Variants in CRTAC1 observed in about 807,000 individuals in gnomAD.
CRTAC1 encodes cartilage acidic protein 1.
A neutral mutation model predicts 67.8 loss-of-function variants in CRTAC1; 37 were observed. The ratio of observed to expected loss-of-function variants is 0.55; its 90% CI spans 0.42 to 0.72. The LOEUF (loss-of-function observed/expected upper bound fraction) is 0.72. CRTAC1 is among the 30% of genes least tolerant of loss of function. The probability of loss-of-function intolerance (pLI) is 0.00; values close to 1 mark genes in which losing one functional copy is unlikely to be tolerated. For synonymous variants in CRTAC1, 348 were observed against 371.0 expected (o/e 0.94, Z 0.71); for missense variants, 780 against 931.6 (o/e 0.84, Z 2.12).
chr10:97,951,300 T>C (rs762674236), intron 2 of CRTAC1, among the ~76,000 whole-genome samples: 2 of 152,162 alleles, frequency 1.3e-5, no homozygotes, highest in African/African-American at 4.8e-5. Context: ...TCTTGAGAAA[T>C]AATGGTTGGA....
Position 97,928,510 on chromosome 10 carries a change from C to G in CRTAC1, c.422-5110G>C, listed in dbSNP as rs142668129. On this transcript the variant is annotated intron_variant, in intron 3 of 14. Coordinates refer to ENST00000370597, the MANE Select transcript of CRTAC1 (RefSeq NM_018058.7). ...CTCATTAACCCTCACCAAAACCCCT[C>G]GAGGTGGGTACTATTTTCATGACCC... is the stretch of plus-strand genomic sequence containing the variant. Among the ~76,000 whole-genome samples, 18 of 152,348 alleles carry G rather than the reference C, an allele frequency of 1.2e-4. No individual in the cohort carries two copies. The East Asian group carries it at 3.5e-3, about 29-fold the overall frequency.
intron 6 of CRTAC1, among the ~76,000 whole-genome samples, 154 bp downstream of exon 6, chr10:97,907,859 A>G (rs1321303020): frequency 6.6e-6 from 1 of 152,082 alleles, no homozygotes; most frequent in Non-Finnish European, 1.5e-5. Context: ...ATAGGAAGTG[A>G]CAAGCAGCGT....
At chr10:97,933,713 A>C (rs1469306246) in intron 3 of CRTAC1, among the ~76,000 whole-genome samples, 5 of 152,254 alleles carry the variant, frequency 3.3e-5, no homozygotes, top group Admixed American at 3.3e-4. Context: ...CAGTCCCTAG[A>C]ATAGTAGGTG....
intron 2 of CRTAC1, among the ~76,000 whole-genome samples, chr10:97,969,588 A>G (rs894719142): frequency 3.3e-5 from 5 of 152,174 alleles, no homozygotes; most frequent in African/African-American, 1.2e-4. Flanking sequence ...AATCTGAGAC[A>G]TTAACCATTG....
chr10:97,893,696 G>A (rs1049136866), intron 11 of CRTAC1, among the ~76,000 whole-genome samples: 5 of 152,146 alleles, frequency 3.3e-5, no homozygotes, highest in African/African-American at 1.2e-4. Flanking sequence ...CATGGCATGA[G>A]GCACCACAAA....
chr10:97,930,792 A>G (rs1194656894), intron 3 of CRTAC1, among the ~76,000 whole-genome samples: 1 of 152,152 alleles, frequency 6.6e-6, no homozygotes, highest in Non-Finnish European at 1.5e-5. Context: ...TCTCCTCTAT[A>G]AGAAGTTACA....
At chr10:98,022,981 C>T (rs900631105) in intron 1 of CRTAC1, among the ~76,000 whole-genome samples, 10 of 152,088 alleles carry the variant, frequency 6.6e-5, no homozygotes, top group Admixed American at 2.0e-4. Context: ...AAAATGCACT[C>T]GTGGACCCCA....
rs531661187 is a variant in CRTAC1, at chr10:97,944,244, A to T, written c.225-7878T>A. Among the ~76,000 whole-genome samples, 34 of 152,286 alleles carry T rather than the reference A, an allele frequency of 2.2e-4. No individual in the cohort carries two copies. The South Asian group carries it at 6.9e-3, about 31-fold the overall frequency. On this transcript the variant is annotated intron_variant, in intron 2 of 14. Coordinates refer to ENST00000370597, the MANE Select transcript of CRTAC1 (RefSeq NM_018058.7). ...GGAGTTCAAGACCAGCCTGGCCAAC[A>T]TGGTGAAACCCCATCTCTACTAAAA...
intron 2 of CRTAC1, among the ~76,000 whole-genome samples, chr10:97,970,360 G>A (rs922778178): frequency 6.6e-6 from 1 of 152,058 alleles, no homozygotes; most frequent in Non-Finnish European, 1.5e-5. Flanking sequence ...AGTGCAAGTC[G>A]CATCATGTCA....
intron 5 of CRTAC1, among the ~76,000 whole-genome samples, chr10:97,912,849 G>A (rs1362242335): frequency 6.6e-6 from 1 of 152,186 alleles, no homozygotes; most frequent in Non-Finnish European, 1.5e-5. Flanking sequence ...ATTGCTACTA[G>A]CTTACTTTGC....
chr10:97,979,901 C>T (rs1416168133), intron 2 of CRTAC1, among the ~76,000 whole-genome samples: 4 of 152,174 alleles, frequency 2.6e-5, no homozygotes, highest in Non-Finnish European at 5.9e-5. Context: ...TAACGAGGGG[C>T]ACTTGGTAAA....
intron 2 of CRTAC1, among the ~76,000 whole-genome samples, chr10:97,967,748 A>C (rs1162889489): frequency 6.6e-6 from 1 of 152,198 alleles, no homozygotes. Context: ...TGGAAGTAGT[A>C]AGTGCTCCCT....
intron 1 of CRTAC1, among the ~76,000 whole-genome samples, chr10:98,015,435 T>C (rs1005498709): frequency 6.6e-6 from 1 of 152,216 alleles, no homozygotes; most frequent in Non-Finnish European, 1.5e-5. Flanking sequence ...GTGGTGATGG[T>C]TGTACAACAA....
intron 2 of CRTAC1, among the ~76,000 whole-genome samples, chr10:97,977,440 T>C (rs754648240): frequency 6.6e-6 from 1 of 152,192 alleles, no homozygotes. Context: ...GGCAGGACAC[T>C]GTGAAAGGTC....
intron 5 of CRTAC1, 103 bp from the exon 6 acceptor site, chr10:97,908,250 C>A: frequency 7.9e-7 from 1 of 1,263,308 alleles, no homozygotes; most frequent in Non-Finnish European, 1.1e-6. Flanking sequence ...AGCAGAGGCT[C>A]CTCAGAGGAG....
At chr10:98,028,335 A>G (rs1243327685) in intron 1 of CRTAC1, among the ~76,000 whole-genome samples, 1 of 152,254 alleles carries the variant, frequency 6.6e-6, no homozygotes, top group Non-Finnish European at 1.5e-5. Context: ...TGAGAAAGTC[A>G]GTGGTCCTGA....
chr10:97,923,814 A>G (rs2050875579), intron 3 of CRTAC1, among the ~76,000 whole-genome samples: 1 of 152,054 alleles, frequency 6.6e-6, no homozygotes, highest in East Asian at 1.9e-4. Flanking sequence ...TACATTCTCT[A>G]CTGGATCGCA....
At chr10:98,017,152 G>A (rs1843014607) in intron 1 of CRTAC1, among the ~76,000 whole-genome samples, 1 of 152,168 alleles carries the variant, frequency 6.6e-6, no homozygotes, top group African/African-American at 2.4e-5. Flanking sequence ...AGCACTCCCC[G>A]GCAGGAGTAG....
At chr10:97,951,758 T>C (rs939925015) in intron 2 of CRTAC1, among the ~76,000 whole-genome samples, 3 of 152,224 alleles carry the variant, frequency 2.0e-5, no homozygotes, top group African/African-American at 7.2e-5. Context: ...ATCATTCATC[T>C]AGAATAAAGC....
Sources: gnomAD v4.1 joint callset for allele counts (sites outside exome capture counted in the v4.1 genomes callset) on GRCh38, gnomAD v4.1.1 for gene constraint, MANE v1.5 for transcripts, NCBI Gene and HGNC (gene_info 2026-07-23, HGNC 2026-07-21) for gene names.